PAK5: variants seen among roughly 807,000 people sequenced by gnomAD.
PAK5 encodes serine/threonine-protein kinase PAK 5.
PAK5 carries 16 observed loss-of-function variants against 65.9 expected under a neutral mutation model. The ratio of observed to expected loss-of-function variants is 0.24; its 90% CI spans 0.16 to 0.37. PAK5 has a LOEUF of 0.37. Ranked by LOEUF, PAK5 falls within the 10% of genes least tolerant of loss-of-function variation. The probability of loss-of-function intolerance (pLI) is 1.00; values close to 1 mark genes in which losing one functional copy is unlikely to be tolerated. For missense variants in PAK5, 785 were observed against 903.9 expected, an observed-to-expected ratio of 0.87 and a Z score of 1.69; for synonymous variants, 371 against 354.9, an observed-to-expected ratio of 1.05 and a Z score of -0.51.
chr20:9,805,558 C>T (rs1355919308), intron 1 of PAK5, among the ~76,000 whole-genome samples: 2 of 152,118 alleles, frequency 1.3e-5, no homozygotes, highest in Admixed American at 1.3e-4. Flanking sequence ...GAACAAAATA[C>T]TGATACATGC....
chr20:9,726,697 GAACA>G (rs2048281195), intron 1 of PAK5, among the ~76,000 whole-genome samples: 1 of 152,056 alleles, frequency 6.6e-6, no homozygotes, highest in Non-Finnish European at 1.5e-5. Flanking sequence ...GAGAACATTA[GAACA>G]AATACCTAAT....
chr20:9,607,973 G>T (rs2046486091), intron 3 of PAK5, among the ~76,000 whole-genome samples: 1 of 152,198 alleles, frequency 6.6e-6, no homozygotes, highest in Non-Finnish European at 1.5e-5. Context: ...AGTTCTGGAG[G>T]CTGGGAATTC....
At chr20:9,670,456 T>C (rs921969934) in intron 2 of PAK5, among the ~76,000 whole-genome samples, 1 of 152,192 alleles carries the variant, frequency 6.6e-6, no homozygotes, top group Admixed American at 6.5e-5. Context: ...TTTTTAATGA[T>C]TGCCATTCTA....
intron 1 of PAK5, among the ~76,000 whole-genome samples, chr20:9,721,060 A>G (rs1158090297): frequency 2.0e-5 from 3 of 152,152 alleles, no homozygotes; most frequent in Non-Finnish European, 2.9e-5. Context: ...AATGTACTAA[A>G]TGTCACTAAG....
At chr20:9,741,362 T>C (rs1300749105) in intron 1 of PAK5, among the ~76,000 whole-genome samples, 3 of 152,166 alleles carry the variant, frequency 2.0e-5, no homozygotes, top group Admixed American at 6.5e-5. Flanking sequence ...ATTTTTCTTA[T>C]CCCAGCCAAT....
intron 1 of PAK5, among the ~76,000 whole-genome samples, chr20:9,785,410 A>C (rs774080818): frequency 2.6e-5 from 4 of 152,224 alleles, no homozygotes; most frequent in Non-Finnish European, 5.9e-5. Context: ...GTTATATTTC[A>C]AAATGGCTAT....
intron 3 of PAK5, among the ~76,000 whole-genome samples, chr20:9,582,602 A>G (rs952666168): frequency 6.6e-6 from 1 of 152,008 alleles, no homozygotes; most frequent in Admixed American, 6.6e-5. Context: ...AGCTTTCTGT[A>G]TATTGTATTC....
intron 2 of PAK5, among the ~76,000 whole-genome samples, chr20:9,654,812 C>T (rs1451153816): frequency 1.3e-5 from 2 of 152,146 alleles, no homozygotes; most frequent in Non-Finnish European, 2.9e-5. Context: ...CCTCTAACTT[C>T]TCCCTCCCCT....
chr20:9,642,422 G>A (rs529581932), intron 3 of PAK5, among the ~76,000 whole-genome samples: 3 of 152,250 alleles, frequency 2.0e-5, no homozygotes, highest in Non-Finnish European at 4.4e-5. Flanking sequence ...TAATGATAAT[G>A]ATACTCCAGG....
chr20:9,588,311 A>G (rs1603233623), intron 3 of PAK5, among the ~76,000 whole-genome samples: 1 of 152,240 alleles, frequency 6.6e-6, no homozygotes, highest in Admixed American at 6.5e-5. Context: ...ATGTCCTAAG[A>G]CAGTCTTTTC....
chr20:9,658,809 A>AT (rs564893049), intron 2 of PAK5, among the ~76,000 whole-genome samples: 236 of 152,292 alleles, frequency 1.5e-3, no homozygotes, highest in Non-Finnish European at 2.5e-3. Flanking sequence ...ATTAAAAAAT[A>AT]TTTTTAAAGA....
chr20:9,560,726 C>G (rs1188552067), intron 6 of PAK5, among the ~76,000 whole-genome samples: 2 of 152,172 alleles, frequency 1.3e-5, no homozygotes, highest in Non-Finnish European at 2.9e-5. Context: ...CAGCATCTGC[C>G]TCATAGAAAT....
intron 9 of PAK5, among the ~76,000 whole-genome samples, chr20:9,542,284 T>C (rs774091198): frequency 2.6e-5 from 4 of 152,316 alleles, no homozygotes; most frequent in Non-Finnish European, 5.9e-5. Context: ...CAGCATGTAA[T>C]AGATGCTGAA....
chr20:9,671,227 T>C (rs2047492626), intron 2 of PAK5, among the ~76,000 whole-genome samples: 1 of 152,222 alleles, frequency 6.6e-6, no homozygotes, highest in South Asian at 2.1e-4. Flanking sequence ...AGCTTTGTTC[T>C]TTTGGCTTAG....
intron 3 of PAK5, among the ~76,000 whole-genome samples, chr20:9,595,721 T>A (rs766860392): frequency 3.3e-5 from 5 of 152,178 alleles, no homozygotes; most frequent in Non-Finnish European, 7.4e-5. Flanking sequence ...GGCCCAGGAA[T>A]GTTCTTGAAG....
rs34280805 is a variant in PAK5, at chr20:9,580,576, G to A, written c.559C>T (p.Pro187Ser). The part of the protein sequence containing the change: ...HGEAYYSEVK[P>S]LKSDFARFSA... Reference sequence around the variant, plus strand: ...AATCTGGCAAAATCGGATTTCAAAGGCTTCACCTCAGAATAGTAGGCCTCC... The same window carrying A: ...AATCTGGCAAAATCGGATTTCAAAGACTTCACCTCAGAATAGTAGGCCTCC... Residue 187 changes from proline (P) to serine (S), a missense_variant, in exon 4 of 10, where the codon CCT becomes TCT. Pro to Ser is a moderately conservative substitution (Grantham distance 74). Transcript: ENST00000353224. 1.2e-6 allele frequency: 2 copies of A among 1,614,032 alleles called. No individual in the cohort carries two copies. The highest frequency in any genetic ancestry group is 1.3e-5 in the African/African-American group (1 of 74,996).
chr20:9,575,588 T>C (rs2122989079), intron 4 of PAK5: 1 of 152,302 alleles, frequency 6.6e-6, no homozygotes, highest in Non-Finnish European at 1.5e-5. Flanking sequence ...TTACAGCCCA[T>C]AGTTCCAGCT....
At chr20:9,745,139 A>C (rs1156870950) in intron 1 of PAK5, among the ~76,000 whole-genome samples, 1 of 152,126 alleles carries the variant, frequency 6.6e-6, no homozygotes, top group African/African-American at 2.4e-5. Flanking sequence ...AATATTAATT[A>C]CCTGACATTG....
intron 2 of PAK5, among the ~76,000 whole-genome samples, chr20:9,698,902 T>C (rs1240111125): frequency 6.6e-6 from 1 of 152,202 alleles, no homozygotes; most frequent in African/African-American, 2.4e-5. Context: ...ATGTAACAAC[T>C]GGAAGTTAAC....
Sources: gnomAD v4.1 joint callset for allele counts (sites outside exome capture counted in the v4.1 genomes callset) on GRCh38, gnomAD v4.1.1 for gene constraint, MANE v1.5 for transcripts, NCBI Gene and HGNC (gene_info 2026-07-23, HGNC 2026-07-21) for gene names.